The following GMEB2 variants were observed in gnomAD, a reference collection of about 807,000 sequenced individuals.
GMEB2 encodes the protein glucocorticoid modulatory element-binding protein 2.
GMEB2 carries 7 observed loss-of-function variants against 45.7 expected under a neutral mutation model. The ratio of observed to expected loss-of-function variants is 0.15; its 90% CI spans 0.09 to 0.29. The LOEUF is 0.29. Ranked by LOEUF, GMEB2 falls within the 10% of genes least tolerant of loss-of-function variation. The probability of loss-of-function intolerance (pLI) is 1.00; values close to 1 mark genes in which losing one functional copy is unlikely to be tolerated. For missense variants in GMEB2, 582 were observed against 739.2 expected (o/e 0.79, Z 2.47); for synonymous variants, 322 against 323.6 (o/e 1.00, Z 0.05).
At chr20:63,596,054 G>A (rs2146052762) in intron 5 of GMEB2, among the ~76,000 whole-genome samples, 2 of 152,338 alleles carry the variant, frequency 1.3e-5, no homozygotes, top group Middle Eastern at 6.8e-3. Context: ...AGTCTGTGGG[G>A]CTGGGCCTTT....
Position 63,604,733 on chromosome 20 carries a change from G to A in GMEB2, c.229+10C>T, listed in dbSNP as rs886756570. 17 of 1,527,094 alleles carry A rather than the reference G, an allele frequency of 1.1e-5. No homozygotes were observed. In the Middle Eastern group the frequency reaches 6.7e-4, roughly 61 times the overall value. 94.6% of individuals were successfully genotyped at this position (1,527,094 alleles called of 1,614,324 possible). A position where few individuals can be genotyped will look rare whatever the true frequency, so the allele number is the denominator to read the frequency against. On this transcript the variant is annotated intron_variant, in intron 3 of 9. Transcript: ENST00000370077. ...AGAAGGCAGACTTCCCACCTAGGAC[G>A]GCTTCCTACCTAACACGGCTTCCTT...
chr20:63,610,848 C>G (rs2089564439), intron 2 of GMEB2, among the ~76,000 whole-genome samples: 1 of 152,326 alleles, frequency 6.6e-6, no homozygotes, highest in East Asian at 1.9e-4. Flanking sequence ...GACTTTGGGC[C>G]AAGCTTTGAA....
chr20:63,605,607 A>G (rs2089512726), intron 2 of GMEB2, among the ~76,000 whole-genome samples: 1 of 151,256 alleles, frequency 6.6e-6, no homozygotes, highest in African/African-American at 2.4e-5. Context: ...GAGATCACAC[A>G]TTTTCTGTTT....
At position 63,590,410 on chromosome 20, in the gene GMEB2, G is replaced by A. The variant is rs751197223; in HGVS notation, c.1272C>T (p.Ala424=). ...CTGTGTATCCCCCGAGCAGCGGGGA[G>A]GCCGGGGAGCTGGCGGGGGGCGCCT... ...SLQAPPASSP[A]SPLLGGYTVL... is the part of the protein sequence containing the mutation. Residue 424 remains alanine, a synonymous_variant, in exon 10 of 10, where the codon GCC becomes GCT. Transcript: ENST00000370077. 1 of 1,577,456 alleles carries A rather than the reference G, an allele frequency of 6.3e-7. No individual in the cohort carries two copies. Among genetic ancestry groups the A allele is most frequent in the African/African-American group, 1.3e-5 (1 of 74,296 alleles).
rs776758045 is a variant in GMEB2, at chr20:63,590,169, C to T, written c.1513G>A (p.Ala505Thr). The T allele has an allele frequency of 4.4e-6, 7 of 1,591,618 alleles. No homozygotes were observed. Among genetic ancestry groups the T allele is most frequent in the Non-Finnish European group, 5.1e-6 (6 of 1,166,886 alleles). The change falls in exon 10 of 10, where the codon GCA becomes ACA. Residue 505 changes from alanine (A) to threonine (T), a missense_variant. Around this residue, in one of 3 missense-constraint regions of GMEB2, gnomAD observed 462 missense variants for 586.7 expected, o/e 0.79. Transcript: ENST00000370077. ...PGSSTIVTVPAGAAPGPEEHT... is the reference protein window; with the variant it reads ...PGSSTIVTVPTGAAPGPEEHT... ...TCCTCAGGCCCGGGGGCAGCCCCTGCGGGCACTGTCACAATTGTGCTGGAG... is the reference window on the plus strand; with the variant it reads ...TCCTCAGGCCCGGGGGCAGCCCCTGTGGGCACTGTCACAATTGTGCTGGAG...
chr20:63,612,131 A>AC (rs2089575745), intron 2 of GMEB2, among the ~76,000 whole-genome samples: 1 of 152,224 alleles, frequency 6.6e-6, no homozygotes, highest in South Asian at 2.1e-4. Context: ...AATGGTTCTG[A>AC]CCCACAGAAA....
chr20:63,613,578 G>A (rs1166673610), intron 2 of GMEB2, among the ~76,000 whole-genome samples: 1 of 148,046 alleles, frequency 6.8e-6, no homozygotes, highest in African/African-American at 2.5e-5. Flanking sequence ...GGAGTGCAGT[G>A]GCACAATCTC....
At chr20:63,624,297 C>T (rs566149554) in intron 1 of GMEB2, among the ~76,000 whole-genome samples, 1 of 150,394 alleles carries the variant, frequency 6.6e-6, no homozygotes, top group South Asian at 2.1e-4. Context: ...GGCATGGTGG[C>T]GGGTGCCTGT....
chr20:63,588,934 G>C lies in GMEB2; in HGVS notation c.*1155C>G, dbSNP rs1600998595. 1 of 398,938 alleles carries C rather than the reference G, an allele frequency of 2.5e-6. No homozygotes were observed. Among genetic ancestry groups the C allele is most frequent in the East Asian group, 3.6e-5 (1 of 28,114 alleles). The allele number at this position is 398,938 out of a possible 1,614,324, so 24.7% of individuals were successfully genotyped here. The stretch of plus-strand genomic sequence containing the variant: ...CAGCCACAGACAGCCCTTCCAGACA[G>C]GCTCTGGGCTCCACCTTCGGCAGCT... On this transcript the variant is annotated 3_prime_UTR_variant, in exon 10 of 10. Transcript: ENST00000370077.
Position 63,588,226 on chromosome 20 carries a change from G to A in GMEB2, c.*1863C>T, listed in dbSNP as rs1046641. 1 of 152,692 alleles carries A rather than the reference G, an allele frequency of 6.5e-6. No homozygotes were observed. Among genetic ancestry groups the A allele is most frequent in the Non-Finnish European group, 1.5e-5 (1 of 68,306 alleles). 9.5% of individuals were successfully genotyped at this position (152,692 alleles called of 1,614,324 possible). On this transcript the variant is annotated 3_prime_UTR_variant, in exon 10 of 10. Coordinates refer to ENST00000370077, the MANE Select transcript of GMEB2 (RefSeq NM_012384.5). Reference sequence around the variant, plus strand: ...AAGGTCCCAACCCTGTTCTTAAAAAGAAAGGAAATGAACCCACAACCCACT... The same window carrying A: ...AAGGTCCCAACCCTGTTCTTAAAAAAAAAGGAAATGAACCCACAACCCACT...
In GMEB2 at chr20:63,588,420, G is replaced by A. The variant is rs1030745228; in HGVS notation, c.*1669C>T. ...CTCCTGACCCCCGTAGGGTCATACC[G>A]CTGCATGCTGCAGAACTCAACTAGA... On this transcript the variant is annotated 3_prime_UTR_variant, in exon 10 of 10. Transcript: ENST00000370077. 5.5e-5 allele frequency: 11 copies of A among 199,408 alleles called. No homozygotes were observed. The highest frequency in any genetic ancestry group is 2.0e-5 in the Non-Finnish European group (2 of 99,886). The allele number at this position is 199,408 out of a possible 1,614,324, so 12.4% of individuals were successfully genotyped here.
chr20:63,588,680 G>A lies in GMEB2; in HGVS notation c.*1409C>T, dbSNP rs1046129637. The A allele has an allele frequency of 1.0e-5, 4 of 398,186 alleles. No homozygotes were observed. The highest frequency in any genetic ancestry group is 1.8e-5 in the Non-Finnish European group (4 of 226,124). The allele number at this position is 398,186 out of a possible 1,614,324, so 24.7% of individuals were successfully genotyped here. ...AGCCAGTTCCCTTCGGAGCAGTGAAGTGGGACACAGGACCCTCGCATTGCG... is the reference window on the plus strand; with the variant it reads ...AGCCAGTTCCCTTCGGAGCAGTGAAATGGGACACAGGACCCTCGCATTGCG... On this transcript the variant is annotated 3_prime_UTR_variant, in exon 10 of 10. Coordinates refer to ENST00000370077, the MANE Select transcript of GMEB2 (RefSeq NM_012384.5).
At chr20:63,599,362 C>T (rs2083224874) in intron 4 of GMEB2, among the ~76,000 whole-genome samples, 1 of 152,378 alleles carries the variant, frequency 6.6e-6, no homozygotes, top group East Asian at 1.9e-4. Context: ...CGACTCTTCA[C>T]ACCTCCTCAC....
intron 9 of GMEB2, among the ~76,000 whole-genome samples, chr20:63,591,199 C>T (rs2083143859): frequency 6.8e-6 from 1 of 147,876 alleles, no homozygotes; most frequent in African/African-American, 2.5e-5. Context: ...AGAGTGCACA[C>T]ACACAATGAA....
intron 2 of GMEB2, among the ~76,000 whole-genome samples, chr20:63,610,565 C>G (rs1019156112): frequency 6.6e-6 from 1 of 152,098 alleles, no homozygotes; most frequent in Non-Finnish European, 1.5e-5. Flanking sequence ...AAGAGGAAGT[C>G]TCAATTTCCA....
Position 63,619,126 on chromosome 20 carries a change from C to T in GMEB2, c.131+141G>A, listed in dbSNP as rs919836468. On this transcript the variant is annotated intron_variant, in intron 2 of 9. Transcript: ENST00000370077. The surrounding 1 kb of genome is among the most constrained non-coding windows in gnomAD (Gnocchi z 4.6). Reference sequence around the variant, plus strand: ...TGCTTTTCTTCGCTCTCTACTTACACACACATTTGAGTCCAGTCTCAGAAG... The same window carrying T: ...TGCTTTTCTTCGCTCTCTACTTACATACACATTTGAGTCCAGTCTCAGAAG... The T allele has an allele frequency of 1.3e-5, 10 of 785,164 alleles. No homozygotes were observed. The highest frequency in any genetic ancestry group is 1.9e-5 in the Non-Finnish European group (10 of 525,716). 48.6% of individuals were successfully genotyped at this position (785,164 alleles called of 1,614,324 possible).
chr20:63,620,313 CAG>C (rs142657443), intron 1 of GMEB2, among the ~76,000 whole-genome samples: 26,036 of 152,178 alleles, frequency 0.17, 3,044 homozygotes, highest in East Asian at 0.49. Context: ...AGCTTGGAGA[CAG>C]GGGAATCTTC....
At chr20:63,603,170 G>T in intron 3 of GMEB2, 78 bp from the exon 4 acceptor site, 1 of 1,483,260 alleles carries the variant, frequency 6.7e-7, no homozygotes, top group Non-Finnish European at 9.2e-7. Flanking sequence ...TCCTGAAAAT[G>T]CAGAAAATAG....
intron 2 of GMEB2, among the ~76,000 whole-genome samples, chr20:63,609,940 T>C (rs73622838): frequency 1.4e-5 from 2 of 143,046 alleles, no homozygotes; most frequent in African/African-American, 2.6e-5. Flanking sequence ...CCTCCATTTC[T>C]AGAAACATGC....
Sources: allele counts gnomAD v4.1 joint callset (sites outside exome capture counted in the v4.1 genomes callset), GRCh38; gene constraint gnomAD v4.1.1; regional missense constraint gnomAD v4.1.1; non-coding constraint Gnocchi (gnomAD v3.1); transcripts MANE v1.5; gene names NCBI Gene and HGNC (gene_info 2026-07-23, HGNC 2026-07-21).